ZNF624: variants seen among roughly 807,000 people sequenced by gnomAD.
The protein encoded by ZNF624 is zinc finger protein 624.
In ZNF624, 43 loss-of-function variants were observed where a neutral mutation model predicts 74.7. The observed-to-expected ratio is 0.58, with a 90% CI of 0.45 to 0.74. ZNF624 has a LOEUF of 0.74. Among genes scored for constraint, ZNF624 ranks in the 30% least tolerant of loss-of-function variants. The pLI, the probability that ZNF624 is intolerant of heterozygous loss-of-function variation, is 0.00. For missense variants in ZNF624, 820 were observed against 1,030.0 expected, an observed-to-expected ratio of 0.80 and a Z score of 2.79; for synonymous variants, 331 against 341.3, an observed-to-expected ratio of 0.97 and a Z score of 0.33.
chr17:16,636,879 T>C lies in ZNF624; in HGVS notation c.154-2123A>G, dbSNP rs368055345. Among the ~76,000 whole-genome samples the C allele has an allele frequency of 9.2e-5, 14 of 151,874 alleles. No individual in the cohort carries two copies. The East Asian group carries it at 2.3e-3, about 25-fold the overall frequency. ...AATCTCAGCCGGGTGCAGTGTTGAA[T>C]AGGAGTGGTGAGAGAGGGCATCCCT... On this transcript the variant is annotated intron_variant, in intron 3 of 5. Transcript: ENST00000311331.
chr17:16,622,982 G>A lies in ZNF624; in HGVS notation c.1904C>T (p.Thr635Ile). The change falls in exon 6 of 6, where the codon ACT (threonine) becomes ATT (isoleucine). Residue 635 changes from threonine (T) to isoleucine (I), a missense_variant. By Grantham distance (89) the Thr-to-Ile change is moderately conservative. Coordinates refer to ENST00000311331, the MANE Select transcript of ZNF624 (RefSeq NM_020787.4). ...ATAACATTTATAGGGTTTCACTCCA[G>A]TATGAATTTTCTGATGCTCCTTGAG... ...VNLKEHQKIH[T>I]GVKPYKCYDC... 1 of 1,613,978 alleles carries A rather than the reference G, an allele frequency of 6.2e-7. No individual in the cohort carries two copies. Among genetic ancestry groups the A allele is most frequent in the Non-Finnish European group, 8.5e-7 (1 of 1,179,920 alleles).
rs1908953935 is a variant in ZNF624, at chr17:16,622,755, A to G, written c.2131T>C (p.Phe711Leu). The G allele has an allele frequency of 1.2e-6, 2 of 1,613,568 alleles. No individual in the cohort carries two copies. Among genetic ancestry groups the G allele is most frequent in the Non-Finnish European group, 1.7e-6 (2 of 1,179,974 alleles). Residue 711 changes from phenylalanine (F) to leucine (L), a missense_variant, in exon 6 of 6, where the codon TTT becomes CTT. Coordinates refer to ENST00000311331, the MANE Select transcript of ZNF624 (RefSeq NM_020787.4). The part of the protein sequence containing the change: ...CGKVFTSNSG[F>L]NTHQRTHTGE... Reference sequence around the variant, plus strand: ...GTATGTGTTCTTTGATGTGTATTAAAGCCTGAGTTACTTGTGAAAACCTTT... The same window carrying G: ...GTATGTGTTCTTTGATGTGTATTAAGGCCTGAGTTACTTGTGAAAACCTTT...
chr17:16,634,515 C>A, intron 4 of ZNF624, 115 bp downstream of exon 4: 1 of 1,152,588 alleles, frequency 8.7e-7, no homozygotes, highest in Non-Finnish European at 1.2e-6. Context: ...TAGCATAACC[C>A]AACAATGTGC....
downstream of ZNF624, among the ~76,000 whole-genome samples, chr17:16,619,049 TACA>T (rs1246601860): frequency 4.6e-5 from 7 of 152,318 alleles, no homozygotes; most frequent in African/African-American, 2.4e-5. Flanking sequence ...AATAAAAGCA[TACA>T]ACGAGACATA....
chr17:16,624,772 T>G (rs1909024631), intron 5 of ZNF624: 2 of 262,870 alleles, frequency 7.6e-6, no homozygotes, highest in Admixed American at 1.0e-4. Context: ...ATCTCAGCAC[T>G]TTGGGAGGCC....
chr17:16,641,723 A>T (rs554880903), intron 3 of ZNF624, among the ~76,000 whole-genome samples: 12 of 152,364 alleles, frequency 7.9e-5, no homozygotes, highest in Non-Finnish European at 1.0e-4. Context: ...CTATACAGTT[A>T]ATGTTATCTT....
chr17:16,641,069 GAAC>G (rs771186830), intron 3 of ZNF624, among the ~76,000 whole-genome samples: 10 of 152,070 alleles, frequency 6.6e-5, no homozygotes, highest in Middle Eastern at 3.2e-3. Context: ...ATAGAACAAA[GAAC>G]AACAACTGCA....
intron 1 of ZNF624, 90 bp downstream of exon 1, chr17:16,653,674 G>A (rs906552168): frequency 4.6e-5 from 7 of 152,736 alleles, no homozygotes; most frequent in African/African-American, 1.4e-4. Context: ...GGCTCTAGAG[G>A]GAACGGCCAC....
At chr17:16,637,836 G>A (rs1234854025) in intron 3 of ZNF624, among the ~76,000 whole-genome samples, 1 of 152,016 alleles carries the variant, frequency 6.6e-6, no homozygotes, top group African/African-American at 2.4e-5. Flanking sequence ...AACACCAAAA[G>A]CAATGGCAAC....
chr17:16,652,061 G>C (rs1382981772), intron 1 of ZNF624, among the ~76,000 whole-genome samples: 1 of 152,060 alleles, frequency 6.6e-6, no homozygotes. Context: ...ATTACTTAAT[G>C]GGTATAATGT....
At position 16,623,675 on chromosome 17, in the gene ZNF624, G is replaced by T. The variant is rs760270076; in HGVS notation, c.1211C>A (p.Ala404Glu). The change falls in exon 6 of 6, where the codon GCA becomes GAA. Residue 404 changes from alanine to glutamate, a missense_variant. Transcript: ENST00000311331. This position sits in a 1 kb window ranked among gnomAD's most constrained non-coding sequence, Gnocchi z 5.3. ...GKAFSDKSKL[A>E]RHQETHNGEK... ...ACCATTGTGAGTTTCCTGATGTCTTGCAAGTTTTGATTTATCACTAAAAGC... is the reference window on the plus strand; with the variant it reads ...ACCATTGTGAGTTTCCTGATGTCTTTCAAGTTTTGATTTATCACTAAAAGC... The T allele has an allele frequency of 6.2e-7, 1 of 1,608,682 alleles. No individual in the cohort carries two copies. The highest frequency in any genetic ancestry group is 2.2e-5 in the East Asian group (1 of 44,848).
intron 5 of ZNF624, among the ~76,000 whole-genome samples, chr17:16,628,500 T>C (rs1909127216): frequency 6.6e-6 from 1 of 151,952 alleles, no homozygotes; most frequent in Non-Finnish European, 1.5e-5. Context: ...AAAATAAATA[T>C]AGTAACTTAA....
intron 3 of ZNF624, among the ~76,000 whole-genome samples, chr17:16,643,901 T>C (rs376375887): frequency 6.6e-6 from 1 of 152,180 alleles, no homozygotes; most frequent in South Asian, 2.1e-4. Context: ...TCAAAACTGA[T>C]CCCCATGTTG....
rs942731915 is a variant in ZNF624, at chr17:16,624,036, C to G, written c.850G>C (p.Ala284Pro). 3.1e-6 allele frequency: 5 copies of G among 1,613,514 alleles called. No homozygotes were observed. The highest frequency in any genetic ancestry group is 4.2e-6 in the Non-Finnish European group (5 of 1,179,946). ...KPYKCSTCEKAFHYRSLLIQH... is the reference protein window; with the variant it reads ...KPYKCSTCEKPFHYRSLLIQH... The stretch of plus-strand genomic sequence containing the variant: ...ATGAGCAATGATCTATAATGAAAGG[C>G]CTTTTCGCATGTACTACATTTGTAG... Residue 284 changes from alanine to proline, a missense_variant, in exon 6 of 6, where the codon GCC becomes CCC. By Grantham distance (27) the Ala-to-Pro change is conservative. Coordinates refer to ENST00000311331, the MANE Select transcript of ZNF624 (RefSeq NM_020787.4).
At chr17:16,630,703 A>G (rs915131791) in intron 5 of ZNF624, among the ~76,000 whole-genome samples, 3 of 152,362 alleles carry the variant, frequency 2.0e-5, no homozygotes, top group Admixed American at 1.3e-4. Flanking sequence ...TATTAGTATC[A>G]GACAAAACAG....
chr17:16,637,724 G>C (rs1597495726), intron 3 of ZNF624, among the ~76,000 whole-genome samples: 1 of 152,256 alleles, frequency 6.6e-6, no homozygotes, highest in East Asian at 1.9e-4. Context: ...ATTCAAGATG[G>C]ATTAAAGACT....
At chr17:16,615,956 C>CATATATATATATATATAT (rs56321425), downstream of ZNF624, among the ~76,000 whole-genome samples, 4 of 90,306 alleles carry the variant, frequency 4.4e-5, no homozygotes, top group Non-Finnish European at 7.1e-5. Flanking sequence ...ATTCCATATA[C>CATATATATATATATATAT]ATATATATAT....
chr17:16,649,545 G>A, intron 2 of ZNF624, 113 bp downstream of exon 2: 5 of 903,484 alleles, frequency 5.5e-6, no homozygotes, highest in Non-Finnish European at 8.9e-6. Flanking sequence ...GGTCTATTTA[G>A]TTGAGTTCCC....
intron 3 of ZNF624, among the ~76,000 whole-genome samples, chr17:16,644,407 C>T (rs1291610787): frequency 6.6e-6 from 1 of 152,122 alleles, no homozygotes; most frequent in Non-Finnish European, 1.5e-5. Flanking sequence ...CAAAAAGTTC[C>T]TAGGGAGCTA....
Sources: gnomAD v4.1 joint callset for allele counts (sites outside exome capture counted in the v4.1 genomes callset) on GRCh38, gnomAD v4.1.1 for gene constraint, Gnocchi (gnomAD v3.1) non-coding constraint, MANE v1.5 for transcripts, NCBI Gene and HGNC (gene_info 2026-07-23, HGNC 2026-07-21) for gene names.